The following SCAMP1 variants were observed in gnomAD, a reference collection of about 807,000 sequenced individuals.
The protein encoded by SCAMP1 is secretory carrier membrane protein 1.
In SCAMP1, 15 loss-of-function variants were observed where a neutral mutation model predicts 41.8. The observed-to-expected ratio is 0.36, with a 90% CI of 0.24 to 0.55. SCAMP1 has a LOEUF of 0.55. SCAMP1 is among the 20% of genes least tolerant of loss of function. The pLI is 0.86. For missense variants in SCAMP1, 341 were observed against 412.6 expected (o/e 0.83, Z 1.50); for synonymous variants, 135 against 136.8 (o/e 0.99, Z 0.09).
intron 6 of SCAMP1, among the ~76,000 whole-genome samples, chr5:78,430,083 C>T (rs56857604): frequency 1.9e-4 from 18 of 95,070 alleles, no homozygotes; most frequent in African/African-American, 6.7e-4. Flanking sequence ...TTTATAAATA[C>T]AGTATTTATT....
At chr5:78,422,253 T>A (rs1164175054) in intron 6 of SCAMP1, among the ~76,000 whole-genome samples, 1 of 151,434 alleles carries the variant, frequency 6.6e-6, no homozygotes, top group Non-Finnish European at 1.5e-5. Flanking sequence ...TATGTTATAC[T>A]TCAAGGAAAA....
At chr5:78,426,506 T>C (rs1752474315) in intron 6 of SCAMP1, among the ~76,000 whole-genome samples, 4 of 152,240 alleles carry the variant, frequency 2.6e-5, no homozygotes, top group African/African-American at 4.8e-5. Flanking sequence ...TTGTATCTCA[T>C]TGTGGTTTTA....
chr5:78,416,625 G>T lies in SCAMP1; in HGVS notation c.319G>T (p.Glu107Ter). 1 of 1,591,002 alleles carries T rather than the reference G, an allele frequency of 6.3e-7. No individual in the cohort carries two copies. Among genetic ancestry groups the T allele is most frequent in the South Asian group, 1.2e-5 (1 of 86,870 alleles). ...CGCAGAATTAGATCGTCGGGAACGA[G>T]AAATGCAAAACCTCAGTCAACATGG... The part of the protein sequence containing the change: ...KAAELDRRER[E>*]MQNLSQHGRK... Residue 107 changes from glutamate to a stop codon, truncating the protein, a stop_gained, in exon 4 of 9, where the codon GAA becomes TAA. Transcript: ENST00000621999. LOFTEE classifies it high-confidence loss of function.
chr5:78,415,896 A>G (rs1752198105), intron 3 of SCAMP1, among the ~76,000 whole-genome samples: 2 of 152,144 alleles, frequency 1.3e-5, no homozygotes, highest in South Asian at 4.1e-4. Context: ...TTTAATGCAC[A>G]CTACCATTAA....
intron 8 of SCAMP1, among the ~76,000 whole-genome samples, chr5:78,473,375 G>A (rs1294423413): frequency 2.0e-5 from 3 of 152,056 alleles, no homozygotes; most frequent in Non-Finnish European, 1.5e-5. Flanking sequence ...TTCTTCTCTT[G>A]GCATCAGTGA....
chr5:78,391,415 C>T (rs537324975), intron 2 of SCAMP1, among the ~76,000 whole-genome samples: 133 of 151,542 alleles, frequency 8.8e-4, no homozygotes, highest in African/African-American at 3.0e-3. Context: ...GGGGCTGACC[C>T]CCCCACCTCC....
intron 7 of SCAMP1, among the ~76,000 whole-genome samples, chr5:78,458,549 C>T: frequency 6.6e-6 from 1 of 152,222 alleles, no homozygotes; most frequent in Non-Finnish European, 1.5e-5. Flanking sequence ...TTATAAATAT[C>T]TTCTTTCATA....
chr5:78,470,481 C>T (rs1258858865), intron 8 of SCAMP1, among the ~76,000 whole-genome samples: 1 of 152,182 alleles, frequency 6.6e-6, no homozygotes, highest in East Asian at 1.9e-4. Context: ...ATCCGTGTTG[C>T]AGCATGTATC....
At chr5:78,469,088 T>C (rs1024298727) in intron 8 of SCAMP1, among the ~76,000 whole-genome samples, 1 of 152,132 alleles carries the variant, frequency 6.6e-6, no homozygotes, top group Admixed American at 6.6e-5. Flanking sequence ...AAATCACATA[T>C]TATAAGTGGA....
At chr5:78,430,513 T>C (rs1056399872) in intron 6 of SCAMP1, among the ~76,000 whole-genome samples, 4 of 151,718 alleles carry the variant, frequency 2.6e-5, no homozygotes, top group South Asian at 2.1e-4. Context: ...GATTTTTTTT[T>C]CCCAAAGCGA....
At chr5:78,373,570 A>G (rs1010943012) in intron 1 of SCAMP1, among the ~76,000 whole-genome samples, 2 of 152,122 alleles carry the variant, frequency 1.3e-5, no homozygotes, top group African/African-American at 4.8e-5. Context: ...CTAAATGTTC[A>G]GTTCTTTGCC....
intron 2 of SCAMP1, among the ~76,000 whole-genome samples, chr5:78,412,030 T>C (rs1025898454): frequency 6.6e-6 from 1 of 152,106 alleles, no homozygotes; most frequent in Non-Finnish European, 1.5e-5. Flanking sequence ...TGTTTATTTT[T>C]CTTTTGTATT....
intron 6 of SCAMP1, among the ~76,000 whole-genome samples, chr5:78,424,693 C>G (rs1242393118): frequency 6.6e-6 from 1 of 152,056 alleles, no homozygotes; most frequent in Non-Finnish European, 1.5e-5. Context: ...GCACTCCAGC[C>G]TGGGCGACAG....
chr5:78,438,799 A>T (rs10473999), intron 6 of SCAMP1, among the ~76,000 whole-genome samples: 56,280 of 151,952 alleles, frequency 0.37, 12,548 homozygotes, highest in Non-Finnish European at 0.5. Context: ...GATCTGTCTA[A>T]TGTTGACAGT....
intron 7 of SCAMP1, among the ~76,000 whole-genome samples, chr5:78,455,362 C>T (rs1209176373): frequency 6.4e-5 from 8 of 124,182 alleles, no homozygotes; most frequent in Non-Finnish European, 1.2e-4. Context: ...TGAATGCATC[C>T]CAGAGATTCT....
At chr5:78,371,475 G>C (rs1750942367) in intron 1 of SCAMP1, among the ~76,000 whole-genome samples, 1 of 152,138 alleles carries the variant, frequency 6.6e-6, no homozygotes, top group South Asian at 2.1e-4. Flanking sequence ...TTCTTAATCT[G>C]TGTTCTTGCA....
In SCAMP1 at chr5:78,479,626, A is replaced by G. The variant is rs1256531871; in HGVS notation, c.*3958A>G. Among the ~76,000 whole-genome samples, 3 of 152,236 alleles carry G rather than the reference A, an allele frequency of 2.0e-5. No homozygotes were observed. Among genetic ancestry groups the G allele is most frequent in the Non-Finnish European group, 4.4e-5 (3 of 68,040 alleles). On this transcript the variant is annotated 3_prime_UTR_variant, in exon 9 of 9. Transcript: ENST00000621999. ...TGCCACTAACCTGTCTTATATAAGC[A>G]GATACCTCTTATTTGAAGATTGTAG...
At chr5:78,443,382 T>C (rs867406264) in intron 6 of SCAMP1, among the ~76,000 whole-genome samples, 1 of 152,168 alleles carries the variant, frequency 6.6e-6, no homozygotes, top group Non-Finnish European at 1.5e-5. Context: ...GTTGTAAGGT[T>C]TGAATGGGCA....
At chr5:78,437,575 G>C (rs1284539242) in intron 6 of SCAMP1, among the ~76,000 whole-genome samples, 1 of 152,204 alleles carries the variant, frequency 6.6e-6, no homozygotes, top group Non-Finnish European at 1.5e-5. Flanking sequence ...ACTTGATCAT[G>C]GTGGATAAGC....
Sources: allele counts gnomAD v4.1 joint callset (sites outside exome capture counted in the v4.1 genomes callset), GRCh38; gene constraint gnomAD v4.1.1; transcripts MANE v1.5; gene names NCBI Gene and HGNC (gene_info 2026-07-23, HGNC 2026-07-21).